Variants in SNTG2 observed in about 807,000 individuals in gnomAD.
The protein encoded by SNTG2 is gamma-2-syntrophin.
A neutral mutation model predicts 70.9 loss-of-function variants in SNTG2; 74 were observed. That is an observed-to-expected ratio of 1.04 (90% CI 0.86 to 1.27). The LOEUF is 1.27. Ranked by LOEUF, SNTG2 falls within the 50% of genes most tolerant of loss-of-function variation. The pLI is 0.00. For synonymous variants in SNTG2, 278 were observed against 273.8 expected, an observed-to-expected ratio of 1.02 and a Z score of -0.15; for missense variants, 717 against 690.7, an observed-to-expected ratio of 1.04 and a Z score of -0.43.
chr2:1,305,253 G>T (rs1680624015), intron 14 of SNTG2, among the ~76,000 whole-genome samples: 2 of 152,182 alleles, frequency 1.3e-5, no homozygotes, highest in Non-Finnish European at 2.9e-5. Flanking sequence ...ACATCTTAGA[G>T]AATTCCAAAT....
chr2:1,231,740 C>T (rs534015663), intron 9 of SNTG2, among the ~76,000 whole-genome samples: 69 of 152,272 alleles, frequency 4.5e-4, no homozygotes, highest in African/African-American at 1.6e-3. Flanking sequence ...AGGCAGCAGG[C>T]AGAGGGGAGT....
At chr2:1,257,480 G>A (rs560078259) in intron 12 of SNTG2, among the ~76,000 whole-genome samples, 1 of 152,094 alleles carries the variant, frequency 6.6e-6, no homozygotes, top group Non-Finnish European at 1.5e-5. Flanking sequence ...CCACAGGGAC[G>A]AACAGAAAGG....
At chr2:1,255,508 C>A (rs1678002207) in intron 12 of SNTG2, among the ~76,000 whole-genome samples, 1 of 152,040 alleles carries the variant, frequency 6.6e-6, no homozygotes, top group Non-Finnish European at 1.5e-5. Flanking sequence ...CCTTGCTGCA[C>A]TTTGGGAGTC....
chr2:1,181,670 A>G (rs1671908598), intron 8 of SNTG2, among the ~76,000 whole-genome samples: 2 of 151,546 alleles, frequency 1.3e-5, no homozygotes, highest in Admixed American at 1.3e-4. Context: ...TATATTTGAC[A>G]GTTTTTCCGT....
Position 962,823 on chromosome 2 carries a change from A to G in SNTG2, c.72+11755A>G, listed in dbSNP as rs1660396844. Among the ~76,000 whole-genome samples the G allele has an allele frequency of 2.0e-5, 3 of 152,346 alleles. No homozygotes were observed. In the South Asian group the frequency reaches 6.2e-4, roughly 32 times the overall value. ...AATTTGATTGAGGAGAGGCACATAA[A>G]TTGAAAACAAAACAAAAAAACAGTT... On this transcript the variant is annotated intron_variant, in intron 1 of 16. Transcript: ENST00000308624.
chr2:1,261,962 C>G (rs974626757), intron 13 of SNTG2, among the ~76,000 whole-genome samples: 1 of 152,152 alleles, frequency 6.6e-6, no homozygotes, highest in Admixed American at 6.5e-5. Context: ...TTCCGGGAGC[C>G]TGTCGCGAGT....
chr2:1,114,239 T>G (rs1229682988), intron 4 of SNTG2, among the ~76,000 whole-genome samples: 2 of 152,058 alleles, frequency 1.3e-5, no homozygotes, highest in Non-Finnish European at 2.9e-5. Flanking sequence ...TAAGTGAGGT[T>G]TAACCCTTAC....
intron 16 of SNTG2, among the ~76,000 whole-genome samples, chr2:1,346,974 G>T (rs1283609480): frequency 6.6e-6 from 1 of 152,062 alleles, no homozygotes; most frequent in African/African-American, 2.4e-5. Context: ...ACCAGAGTCA[G>T]GGTGGAAAGT....
At chr2:1,093,729 T>C (rs1665186213) in intron 2 of SNTG2, among the ~76,000 whole-genome samples, 1 of 152,370 alleles carries the variant, frequency 6.6e-6, no homozygotes, top group Non-Finnish European at 1.5e-5. Flanking sequence ...CCTGATGGTC[T>C]GTAAGGTGCT....
chr2:1,205,122 T>A (rs1673549719), intron 8 of SNTG2, among the ~76,000 whole-genome samples: 1 of 152,190 alleles, frequency 6.6e-6, no homozygotes, highest in Non-Finnish European at 1.5e-5. Context: ...TCTATGATAA[T>A]CAGAGAACGT....
At chr2:1,287,797 A>G (rs962817371) in intron 14 of SNTG2, among the ~76,000 whole-genome samples, 1 of 152,236 alleles carries the variant, frequency 6.6e-6, no homozygotes, top group African/African-American at 2.4e-5. Context: ...GGGCCCAAGC[A>G]GCATTTCCAC....
chr2:1,176,978 G>A (rs1465120436), intron 8 of SNTG2, among the ~76,000 whole-genome samples: 1 of 152,136 alleles, frequency 6.6e-6, no homozygotes, highest in African/African-American at 2.4e-5. Context: ...TCCTATTACT[G>A]GGTATATACC....
chr2:1,284,114 C>T (rs1040939830), intron 14 of SNTG2, among the ~76,000 whole-genome samples: 1 of 152,140 alleles, frequency 6.6e-6, no homozygotes, highest in African/African-American at 2.4e-5. Flanking sequence ...GAGCGGGCTG[C>T]AGCTGGCAAT....
At chr2:1,058,806 C>T (rs376362042) in intron 1 of SNTG2, among the ~76,000 whole-genome samples, 5 of 152,218 alleles carry the variant, frequency 3.3e-5, no homozygotes, top group African/African-American at 1.2e-4. Context: ...CTGTTTGTGC[C>T]ACACAAGCCT....
In SNTG2 at chr2:1,250,013, C is replaced by T. The variant is rs552272135; in HGVS notation, c.1005+2570C>T. The stretch of plus-strand genomic sequence containing the variant: ...CACTGGGGTGAGGACCAGGAACCTG[C>T]CCAAAGCCACAGGACCAGCCGTGCG... On this transcript the variant is annotated intron_variant, in intron 12 of 16. Transcript: ENST00000308624. 1.3e-5 allele frequency among the ~76,000 whole-genome samples: 2 copies of T among 152,240 alleles called. 1 individual carries two copies. The highest frequency in any genetic ancestry group is 1.3e-4 in the Admixed American group (2 of 15,304).
chr2:1,148,118 C>T (rs1669218555), intron 6 of SNTG2, among the ~76,000 whole-genome samples: 1 of 152,172 alleles, frequency 6.6e-6, no homozygotes, highest in Non-Finnish European at 1.5e-5. Flanking sequence ...GAAAATCAAT[C>T]CCAGGAGCTG....
chr2:979,191 G>T (rs1299128374), intron 1 of SNTG2, among the ~76,000 whole-genome samples: 1 of 152,284 alleles, frequency 6.6e-6, no homozygotes, highest in East Asian at 1.9e-4. Context: ...TGGGTTGGGG[G>T]GGTATTGACC....
intron 1 of SNTG2, among the ~76,000 whole-genome samples, chr2:983,823 T>C (rs1441837299): frequency 1.3e-5 from 2 of 152,158 alleles, no homozygotes; most frequent in East Asian, 3.9e-4. Context: ...CCATGGAGCC[T>C]GGAGAATCAC....
chr2:1,201,709 C>G (rs1430116584), intron 8 of SNTG2, among the ~76,000 whole-genome samples: 3 of 151,676 alleles, frequency 2.0e-5, no homozygotes, highest in Non-Finnish European at 4.4e-5. Flanking sequence ...ATGCATGTAT[C>G]AAAGTATCAC....
Sources: gnomAD v4.1 joint callset for allele counts (sites outside exome capture counted in the v4.1 genomes callset) on GRCh38, gnomAD v4.1.1 for gene constraint, MANE v1.5 for transcripts, NCBI Gene and HGNC (gene_info 2026-07-23, HGNC 2026-07-21) for gene names.